The following CWF19L2 variants were observed in gnomAD, a reference collection of about 807,000 sequenced individuals.
CWF19L2 encodes CWF19-like protein 2.
Under a neutral mutation model 111.7 loss-of-function variants are expected in CWF19L2, and 98 were observed. The ratio of observed to expected loss-of-function variants is 0.88; its 90% CI spans 0.75 to 1.04. CWF19L2 has a LOEUF of 1.04. CWF19L2 is among the 50% of genes least tolerant of loss of function. The pLI is 0.00. For synonymous variants in CWF19L2, 351 were observed against 342.9 expected (o/e 1.02, Z -0.26); for missense variants, 1,101 against 1,051.4 (o/e 1.05, Z -0.65).
intron 12 of CWF19L2, among the ~76,000 whole-genome samples, chr11:107,370,260 A>G (rs1860488635): frequency 1.5e-5 from 2 of 137,536 alleles, no homozygotes; most frequent in African/African-American, 5.8e-5. Flanking sequence ...GCAGCTAAAC[A>G]GATATGCTCA....
intron 14 of CWF19L2, among the ~76,000 whole-genome samples, chr11:107,338,760 T>A (rs1859963632): frequency 6.6e-6 from 1 of 152,246 alleles, no homozygotes; most frequent in African/African-American, 2.4e-5. Flanking sequence ...CATTCCTTTT[T>A]ATGGCTGCAT....
Position 107,380,938 on chromosome 11 carries a change from T to G in CWF19L2, c.1872+9136A>C, listed in dbSNP as rs1860676684. ...AAATACTTGCAAAACTTGAAAACAT[T>G]ATGTTAAGCGAAATAAATCAGATAC... On this transcript the variant is annotated intron_variant, in intron 12 of 17. Transcript: ENST00000282251. Among the ~76,000 whole-genome samples the G allele has an allele frequency of 2.6e-5, 4 of 152,202 alleles. No individual in the cohort carries two copies. In the South Asian group the frequency reaches 8.3e-4, roughly 32 times the overall value.
At chr11:107,361,975 C>A (rs945864927) in intron 12 of CWF19L2, among the ~76,000 whole-genome samples, 5 of 152,132 alleles carry the variant, frequency 3.3e-5, no homozygotes, top group Admixed American at 3.3e-4. Context: ...ACGCACCGTG[C>A]GTGAGCCGAA....
intron 3 of CWF19L2, among the ~76,000 whole-genome samples, chr11:107,446,889 T>TC (rs1861708934): frequency 6.6e-6 from 1 of 152,172 alleles, no homozygotes; most frequent in African/African-American, 2.4e-5. Flanking sequence ...AGTTTCAATC[T>TC]CCATTTTACC....
intron 12 of CWF19L2, among the ~76,000 whole-genome samples, chr11:107,356,154 C>A (rs561987165): frequency 1.1e-4 from 16 of 151,804 alleles, no homozygotes; most frequent in Middle Eastern, 6.8e-3. Context: ...ACAACAACAA[C>A]AAAAAAAGAC....
chr11:107,379,362 C>T (rs1310874868), intron 12 of CWF19L2, among the ~76,000 whole-genome samples: 1 of 152,234 alleles, frequency 6.6e-6, no homozygotes. Flanking sequence ...ATTTGCTGGC[C>T]AGAGGCCAGG....
At chr11:107,345,545 T>A in intron 14 of CWF19L2, 3 of 444,284 alleles carry the variant, frequency 6.8e-6, no homozygotes, top group Admixed American at 2.8e-5. Flanking sequence ...AAACAAAAAC[T>A]GAAAAAATAC....
intron 15 of CWF19L2, among the ~76,000 whole-genome samples, chr11:107,335,707 T>A (rs1486197476): frequency 6.6e-6 from 1 of 152,122 alleles, no homozygotes; most frequent in Non-Finnish European, 1.5e-5. Context: ...AAAGAAATAT[T>A]TAAAAGAAAG....
chr11:107,379,995 T>C (rs1860657736), intron 12 of CWF19L2, among the ~76,000 whole-genome samples: 1 of 125,302 alleles, frequency 8.0e-6, no homozygotes, highest in Admixed American at 1.1e-4. Context: ...TGCAGTGAGC[T>C]GAGATCGTAC....
intron 7 of CWF19L2, among the ~76,000 whole-genome samples, chr11:107,432,506 C>T (rs770049602): frequency 2.0e-5 from 3 of 152,168 alleles, no homozygotes; most frequent in Non-Finnish European, 4.4e-5. Context: ...TCACTTGAAC[C>T]GAGGAGGCAG....
intron 10 of CWF19L2, chr11:107,403,392 G>T: frequency 2.7e-6 from 2 of 743,302 alleles, no homozygotes; most frequent in Non-Finnish European, 4.9e-6. Flanking sequence ...ATAAAACATG[G>T]CAACACTTAT....
At chr11:107,404,456 G>C in intron 10 of CWF19L2, 1 of 771,518 alleles carries the variant, frequency 1.3e-6, no homozygotes, top group South Asian at 1.3e-5. Flanking sequence ...GTTGGCACCC[G>C]GGTTCCCTCC....
At chr11:107,391,812 T>A (rs1225315738) in intron 11 of CWF19L2, among the ~76,000 whole-genome samples, 1 of 152,176 alleles carries the variant, frequency 6.6e-6, no homozygotes, top group Admixed American at 6.6e-5. Flanking sequence ...ATGACTCCAA[T>A]CACCCCCTGG....
intron 7 of CWF19L2, among the ~76,000 whole-genome samples, chr11:107,432,198 T>A (rs1861474402): frequency 6.6e-6 from 1 of 152,196 alleles, no homozygotes; most frequent in African/African-American, 2.4e-5. Flanking sequence ...TTAAAAAGTC[T>A]TAAATTATTA....
chr11:107,424,285 T>C (rs1480540043), intron 8 of CWF19L2, among the ~76,000 whole-genome samples: 3 of 151,702 alleles, frequency 2.0e-5, no homozygotes, highest in African/African-American at 7.3e-5. Context: ...TCTTGCTCAG[T>C]TGCCCCATCT....
rs551340178 is a variant in CWF19L2 at position 107,327,006 on chromosome 11, T to C, written c.2589A>G (p.Lys863=). The C allele has an allele frequency of 3.7e-6, 6 of 1,612,100 alleles. No individual in the cohort carries two copies. In the African/African-American group the frequency reaches 5.3e-5, roughly 14 times the overall value. The change falls in exon 18 of 18, where the codon AAA becomes AAG. Residue 863 remains lysine (K), a synonymous_variant. Transcript: ENST00000282251. The part of the protein sequence containing the change: ...MLDIEPRLWR[K]GIRESFEDQR... ...GATCCTCAAAGCTTTCTCGGATGCCTTTCCTCCAAAGTCTTGGTTCTATAT... is the reference window on the plus strand; with the variant it reads ...GATCCTCAAAGCTTTCTCGGATGCCCTTCCTCCAAAGTCTTGGTTCTATAT...
intron 12 of CWF19L2, among the ~76,000 whole-genome samples, chr11:107,387,311 T>C (rs536096073): frequency 5.9e-5 from 9 of 152,150 alleles, no homozygotes; most frequent in African/African-American, 2.2e-4. Flanking sequence ...CATGGCTCTA[T>C]CTGAACTAAT....
chr11:107,404,015 A>C, intron 10 of CWF19L2: 1 of 783,950 alleles, frequency 1.3e-6, no homozygotes, highest in Non-Finnish European at 2.3e-6. Context: ...GATTTCACTG[A>C]AGAGGTGATG....
In CWF19L2 at chr11:107,348,982, A is replaced by G; in HGVS notation, c.2157T>C (p.His719=). 1 of 1,611,170 alleles carries G rather than the reference A, an allele frequency of 6.2e-7. No homozygotes were observed. Among genetic ancestry groups the G allele is most frequent in the Non-Finnish European group, 8.5e-7 (1 of 1,178,058 alleles). The change falls in exon 14 of 18, where the codon CAT becomes CAC. Residue 719 remains histidine (H), a synonymous_variant. Coordinates refer to ENST00000282251, the MANE Select transcript of CWF19L2 (RefSeq NM_152434.3). The part of the protein sequence containing the change: ...GHCLIVPLQH[H]RAATLLDEDI... ...CTTCATCCAACAAAGTAGCTGCTCT[A>G]TGGTGCTGCAAAGGGACTATCAGGC... is the stretch of plus-strand genomic sequence containing the variant.
Sources: allele counts gnomAD v4.1 joint callset (sites outside exome capture counted in the v4.1 genomes callset), GRCh38; gene constraint gnomAD v4.1.1; transcripts MANE v1.5; gene names NCBI Gene and HGNC (gene_info 2026-07-23, HGNC 2026-07-21).